Variants in STARD13 observed in about 807,000 individuals in gnomAD.
The protein encoded by STARD13 is StAR related lipid transfer domain containing 13.
Under a neutral mutation model 106.4 loss-of-function variants are expected in STARD13, and 62 were observed. That is an observed-to-expected ratio of 0.58 (90% CI 0.48 to 0.72). The LOEUF (loss-of-function observed/expected upper bound fraction) is 0.72. STARD13 is among the 30% of genes least tolerant of loss of function. The probability of loss-of-function intolerance (pLI) is 0.00; values close to 1 mark genes in which losing one functional copy is unlikely to be tolerated. For synonymous variants in STARD13, 565 were observed against 553.0 expected (o/e 1.02, Z -0.31); for missense variants, 1,387 against 1,424.0 (o/e 0.97, Z 0.42).
the STARD13 span, among the ~76,000 whole-genome samples, chr13:33,374,839 T>A: frequency 1.3e-5 from 2 of 152,164 alleles, no homozygotes; most frequent in South Asian, 4.1e-4. Flanking sequence ...TTAGTCTTTA[T>A]ACAGATCACT....
chr13:33,213,604 G>C (rs1594115098), intron 1 of STARD13, among the ~76,000 whole-genome samples: 1 of 152,212 alleles, frequency 6.6e-6, no homozygotes, highest in East Asian at 1.9e-4. Context: ...GCAGACCAGG[G>C]AAAGTCAACA....
At chr13:33,667,084 T>TA in the STARD13 span, among the ~76,000 whole-genome samples, 1 of 152,372 alleles carries the variant, frequency 6.6e-6, no homozygotes, top group African/African-American at 2.4e-5. Context: ...TAGCACTTTT[T>TA]AAAATGTATT....
At chr13:33,225,766 ACT>A (rs1267565746) in intron 1 of STARD13, among the ~76,000 whole-genome samples, 3 of 152,032 alleles carry the variant, frequency 2.0e-5, no homozygotes, top group African/African-American at 7.3e-5. Context: ...AAAAAAAACA[ACT>A]CTTCGTATTA....
chr13:33,622,783 G>A, the STARD13 span, among the ~76,000 whole-genome samples: 1 of 151,266 alleles, frequency 6.6e-6, no homozygotes, highest in African/African-American at 2.4e-5. Context: ...AGCCGGGCGT[G>A]GTGGCGCATG....
At chr13:33,323,735 CAT>C (rs1320473462) in intron 1 of STARD13, among the ~76,000 whole-genome samples, 2 of 152,184 alleles carry the variant, frequency 1.3e-5, no homozygotes, top group African/African-American at 4.8e-5. Context: ...TGGCAGAAAA[CAT>C]AGCCAGAAAT....
chr13:33,304,742 C>A (rs1892844134), intron 1 of STARD13, among the ~76,000 whole-genome samples: 1 of 152,056 alleles, frequency 6.6e-6, no homozygotes, highest in Non-Finnish European at 1.5e-5. Flanking sequence ...CACAAGTGAA[C>A]CCCCTAAAAC....
chr13:33,200,621 G>T (rs974018092), intron 1 of STARD13, among the ~76,000 whole-genome samples: 1 of 152,220 alleles, frequency 6.6e-6, no homozygotes, highest in East Asian at 1.9e-4. Flanking sequence ...CACTTTGGAA[G>T]TTGGCACTCC....
intron 1 of STARD13, among the ~76,000 whole-genome samples, chr13:33,318,243 G>A (rs1323514592): frequency 1.3e-5 from 2 of 152,078 alleles, no homozygotes; most frequent in African/African-American, 4.8e-5. Flanking sequence ...ACTTACAATT[G>A]ACTCACTCAT....
At chr13:33,387,901 C>G in the STARD13 span, among the ~76,000 whole-genome samples, 1 of 152,202 alleles carries the variant, frequency 6.6e-6, no homozygotes, top group Non-Finnish European at 1.5e-5. Context: ...TCCAAACACA[C>G]ACTCTCCTTA....
chr13:33,451,884 G>C, the STARD13 span, among the ~76,000 whole-genome samples: 1 of 152,218 alleles, frequency 6.6e-6, no homozygotes, highest in South Asian at 2.1e-4. Flanking sequence ...ACTGAAAATT[G>C]ATACCTCTGA....
the STARD13 span, among the ~76,000 whole-genome samples, chr13:33,462,887 A>G: frequency 1.3e-5 from 2 of 152,172 alleles, no homozygotes; most frequent in Non-Finnish European, 2.9e-5. Flanking sequence ...ACACCCAGGA[A>G]CAATACTTAG....
At chr13:33,286,882 G>GTA (rs1247086147), upstream of STARD13, among the ~76,000 whole-genome samples, 15 of 151,746 alleles carry the variant, frequency 9.9e-5, no homozygotes, top group Admixed American at 6.6e-4. Context: ...ATATATGTGT[G>GTA]TATATATATG....
chr13:33,385,649 C>G, the STARD13 span, among the ~76,000 whole-genome samples: 1,333 of 151,646 alleles, frequency 8.8e-3, 12 homozygotes, highest in Middle Eastern at 0.014. Flanking sequence ...CACCTGAGGT[C>G]AGGAGTTTGT....
At chr13:33,428,083 A>T in the STARD13 span, among the ~76,000 whole-genome samples, 1 of 152,214 alleles carries the variant, frequency 6.6e-6, no homozygotes, top group Non-Finnish European at 1.5e-5. Context: ...GGGGACAGAT[A>T]GCCTCTTCAA....
chr13:33,578,948 G>A, the STARD13 span, among the ~76,000 whole-genome samples: 2 of 152,090 alleles, frequency 1.3e-5, no homozygotes, highest in Non-Finnish European at 2.9e-5. Context: ...ACCACAATGA[G>A]ATACCACCTT....
the STARD13 span, among the ~76,000 whole-genome samples, chr13:33,380,587 C>T: frequency 1.3e-5 from 2 of 151,330 alleles, no homozygotes; most frequent in African/African-American, 4.9e-5. Context: ...TGCCCTGGCC[C>T]TGAAGCAAGA....
the STARD13 span, among the ~76,000 whole-genome samples, chr13:33,428,209 A>C: frequency 2.0e-5 from 3 of 152,212 alleles, no homozygotes; most frequent in African/African-American, 7.2e-5. Context: ...TGTAAGACCC[A>C]AAACAACAAA....
chr13:33,165,465 T>G, intron 2 of STARD13, 47 bp from the exon 3 acceptor site: 1 of 1,424,944 alleles, frequency 7.0e-7, no homozygotes, highest in African/African-American at 1.4e-5. Context: ...TTTATCTGAA[T>G]GAGCACCAAC....
intron 1 of STARD13, among the ~76,000 whole-genome samples, chr13:33,264,252 T>C (rs1890788311): frequency 6.6e-6 from 1 of 152,236 alleles, no homozygotes; most frequent in Non-Finnish European, 1.5e-5. Context: ...TTCCACCGTG[T>C]CTTTTCCAAA....
Sources: allele counts gnomAD v4.1 joint callset (sites outside exome capture counted in the v4.1 genomes callset), GRCh38; gene constraint gnomAD v4.1.1; transcripts MANE v1.5; gene names NCBI Gene and HGNC (gene_info 2026-07-23, HGNC 2026-07-21).